Variants in CNTNAP5 observed in about 807,000 individuals in gnomAD.
CNTNAP5 encodes contactin-associated protein-like 5.
In CNTNAP5, 72 loss-of-function variants were observed where a neutral mutation model predicts 150.2. The observed-to-expected ratio is 0.48, with a 90% CI of 0.40 to 0.58. The LOEUF is 0.58. Among genes scored for constraint, CNTNAP5 ranks in the 20% least tolerant of loss-of-function variants. CNTNAP5 has a pLI of 0.00. For missense variants in CNTNAP5, 1,636 were observed against 1,626.2 expected (o/e 1.01, Z -0.10); for synonymous variants, 672 against 619.8 (o/e 1.08, Z -1.25).
chr2:124,348,889 C>T (rs754535826), intron 3 of CNTNAP5, among the ~76,000 whole-genome samples: 1 of 152,010 alleles, frequency 6.6e-6, no homozygotes, highest in Non-Finnish European at 1.5e-5. Context: ...TATCTATTAT[C>T]TATGTATAAT....
At chr2:124,163,116 T>C (rs1684725422) in intron 1 of CNTNAP5, among the ~76,000 whole-genome samples, 1 of 152,168 alleles carries the variant, frequency 6.6e-6, no homozygotes. Context: ...GGGAACCAAC[T>C]ACAGGGCATA....
intron 1 of CNTNAP5, among the ~76,000 whole-genome samples, chr2:124,155,850 T>C (rs1038787102): frequency 1.3e-5 from 2 of 152,236 alleles, no homozygotes; most frequent in South Asian, 2.1e-4. Flanking sequence ...ACTGCATCTG[T>C]GATACTTCAG....
At chr2:124,337,691 C>T (rs1004039680) in intron 3 of CNTNAP5, among the ~76,000 whole-genome samples, 12 of 151,962 alleles carry the variant, frequency 7.9e-5, no homozygotes, top group South Asian at 4.2e-4. Flanking sequence ...TGTAGATATG[C>T]GGCATTATTT....
At chr2:124,394,905 C>T (rs912493768) in intron 3 of CNTNAP5, among the ~76,000 whole-genome samples, 8 of 152,184 alleles carry the variant, frequency 5.3e-5, no homozygotes, top group Non-Finnish European at 1.0e-4. Flanking sequence ...ATCAGAGCTT[C>T]ATGTAGTGGC....
At chr2:124,368,385 C>A (rs1373020701) in intron 3 of CNTNAP5, among the ~76,000 whole-genome samples, 1 of 152,062 alleles carries the variant, frequency 6.6e-6, no homozygotes, top group African/African-American at 2.4e-5. Flanking sequence ...TTCAGATGTG[C>A]TGCTCGGAAT....
chr2:124,805,326 T>C (rs1441048543), intron 19 of CNTNAP5, among the ~76,000 whole-genome samples: 2 of 152,100 alleles, frequency 1.3e-5, no homozygotes, highest in Non-Finnish European at 2.9e-5. Flanking sequence ...TGTGTGTGTA[T>C]ATAGAGAGAG....
intron 13 of CNTNAP5, among the ~76,000 whole-genome samples, chr2:124,656,125 T>C (rs1269367539): frequency 4.6e-5 from 7 of 151,668 alleles, no homozygotes; most frequent in African/African-American, 1.7e-4. Context: ...GAAATCTGCT[T>C]CTATCTTCTA....
At chr2:124,068,297 A>G (rs1022051264) in intron 1 of CNTNAP5, among the ~76,000 whole-genome samples, 4 of 152,174 alleles carry the variant, frequency 2.6e-5, no homozygotes, top group African/African-American at 7.2e-5. Flanking sequence ...GACAGAGCGC[A>G]GCAACTGGTG....
intron 13 of CNTNAP5, among the ~76,000 whole-genome samples, chr2:124,704,108 A>G (rs1679582561): frequency 6.6e-6 from 1 of 152,184 alleles, no homozygotes; most frequent in Non-Finnish European, 1.5e-5. Context: ...CCCACATTAA[A>G]TTGCTTTAGT....
chr2:124,746,504 AT>A (rs888877275), intron 13 of CNTNAP5, among the ~76,000 whole-genome samples: 31 of 152,096 alleles, frequency 2.0e-4, no homozygotes, highest in Admixed American at 5.2e-4. Flanking sequence ...CAGTGCTTTT[AT>A]TTTTTTTCCC....
At chr2:124,487,221 A>T (rs940170910) in intron 7 of CNTNAP5, among the ~76,000 whole-genome samples, 16 of 152,172 alleles carry the variant, frequency 1.1e-4, no homozygotes, top group African/African-American at 3.9e-4. Flanking sequence ...ATTCAAATTC[A>T]TCCCCAAGGC....
chr2:124,680,746 T>G (rs1679048383), intron 13 of CNTNAP5: 1 of 151,894 alleles, frequency 6.6e-6, no homozygotes. Context: ...TAATGACTTC[T>G]TGGTCTGTAC....
rs555498196 is a variant in CNTNAP5, at chr2:124,212,220, C to G, written c.83-9485C>G. Among the ~76,000 whole-genome samples, 24 of 152,154 alleles carry G rather than the reference C, an allele frequency of 1.6e-4. No homozygotes were observed. The South Asian group carries it at 2.9e-3, about 18-fold the overall frequency. ...TACCTTCCATATTTTTTCTTTCTCC[C>G]AATCTTATCATTCAGTACCATCCAA... is the stretch of plus-strand genomic sequence containing the variant. On this transcript the variant is annotated intron_variant, in intron 1 of 23. Coordinates refer to ENST00000682447, the MANE Select transcript of CNTNAP5 (RefSeq NM_001367498.1).
intron 7 of CNTNAP5, among the ~76,000 whole-genome samples, chr2:124,479,963 C>A (rs1480294531): frequency 2.6e-5 from 4 of 152,182 alleles, no homozygotes; most frequent in Non-Finnish European, 4.4e-5. Flanking sequence ...ATGGTACACA[C>A]TAAGCACCCA....
intron 3 of CNTNAP5, among the ~76,000 whole-genome samples, chr2:124,271,478 T>C (rs1687750318): frequency 6.6e-6 from 1 of 152,062 alleles, no homozygotes; most frequent in Non-Finnish European, 1.5e-5. Flanking sequence ...TGTAACAGGA[T>C]GAATGTGTGG....
Position 124,542,255 on chromosome 2 carries a change from A to G in CNTNAP5, c.1649+14799A>G, listed in dbSNP as rs557688747. Among the ~76,000 whole-genome samples, 19 of 148,952 alleles carry G rather than the reference A, an allele frequency of 1.3e-4. No homozygotes were observed. The South Asian group carries it at 1.7e-3, about 14-fold the overall frequency. On this transcript the variant is annotated intron_variant, in intron 10 of 23. Transcript: ENST00000682447. ...TTTTACCTCCTACTATATGATGAAT[A>G]ATTCATCATTCCATCTGTGTGCATT... is the stretch of plus-strand genomic sequence containing the variant.
intron 1 of CNTNAP5, among the ~76,000 whole-genome samples, chr2:124,044,375 C>G (rs1211038685): frequency 6.6e-6 from 1 of 152,148 alleles, no homozygotes; most frequent in Non-Finnish European, 1.5e-5. Context: ...AGTACTGTGT[C>G]CTTTACGCTG....
intron 20 of CNTNAP5, among the ~76,000 whole-genome samples, chr2:124,866,246 T>C (rs933378234): frequency 6.6e-6 from 1 of 151,882 alleles, no homozygotes; most frequent in African/African-American, 2.4e-5. Context: ...GGAGACAGAG[T>C]GACTCCATCT....
intron 21 of CNTNAP5, among the ~76,000 whole-genome samples, chr2:124,900,358 GT>G (rs995074596): frequency 6.6e-6 from 1 of 150,814 alleles, no homozygotes; most frequent in Admixed American, 6.6e-5. Context: ...TCTTATTTTT[GT>G]TTTTTTTCCT....
Sources: allele counts gnomAD v4.1 joint callset (sites outside exome capture counted in the v4.1 genomes callset), GRCh38; gene constraint gnomAD v4.1.1; transcripts MANE v1.5; gene names NCBI Gene and HGNC (gene_info 2026-07-23, HGNC 2026-07-21).